DOP1A: variants seen among roughly 807,000 people sequenced by gnomAD.
DOP1A encodes protein DOP1A.
In DOP1A, 90 loss-of-function variants were observed where a neutral mutation model predicts 267.6. The observed-to-expected ratio is 0.34, with a 90% confidence interval of 0.28 to 0.40. The LOEUF (loss-of-function observed/expected upper bound fraction) is 0.40. Among genes scored for constraint, DOP1A ranks in the 10% least tolerant of loss-of-function variants. The pLI, the probability that DOP1A is intolerant of heterozygous loss-of-function variation, is 1.00. For missense variants in DOP1A, 2,437 were observed against 2,900.4 expected, an observed-to-expected ratio of 0.84 and a Z score of 3.67; for synonymous variants, 932 against 999.1, an observed-to-expected ratio of 0.93 and a Z score of 1.27.
chr6:83,123,041 T>C (rs1776599874), intron 12 of DOP1A, 59 bp downstream of exon 12: 3 of 1,523,940 alleles, frequency 2.0e-6, no homozygotes, highest in Non-Finnish European at 1.8e-6. Context: ...CTTTGGGTTT[T>C]TTTTAAGTTG....
intron 17 of DOP1A, 32 bp from the exon 18 acceptor site, chr6:83,132,144 T>C (rs1406635199): frequency 6.3e-7 from 1 of 1,593,994 alleles, no homozygotes; most frequent in Non-Finnish European, 8.6e-7. Flanking sequence ...ATGTATGGTA[T>C]TGTGACTGTC....
intron 15 of DOP1A, among the ~76,000 whole-genome samples, chr6:83,127,126 G>T (rs1397524464): frequency 6.6e-6 from 1 of 152,140 alleles, no homozygotes; most frequent in Non-Finnish European, 1.5e-5. Context: ...TTCACATAGT[G>T]ATGTTACCTA....
chr6:83,071,525 G>T (rs1165374083), intron 1 of DOP1A, among the ~76,000 whole-genome samples: 1 of 152,042 alleles, frequency 6.6e-6, no homozygotes, highest in Non-Finnish European at 1.5e-5. Flanking sequence ...ATTTAATTCA[G>T]TGTCACTTAG....
chr6:83,100,767 A>C lies in DOP1A; in HGVS notation c.201A>C (p.Leu67=). ...AAAAGCTGACCATAGGCAAACGCCT[A>C]GCTCAATGTCTACATCCAGCATTAC... ...VPKKLTIGKR[L]AQCLHPALPG... The change falls in exon 4 of 39, where the codon CTA becomes CTC. Residue 67 remains leucine, a synonymous_variant. Transcript: ENST00000349129. 1 of 1,590,918 alleles carries C rather than the reference A, an allele frequency of 6.3e-7. No individual in the cohort carries two copies. Among genetic ancestry groups the C allele is most frequent in the South Asian group, 1.2e-5 (1 of 86,546 alleles).
At chr6:83,166,533 A>C in intron 38 of DOP1A, 4 of 676,014 alleles carry the variant, frequency 5.9e-6, no homozygotes, top group Non-Finnish European at 1.1e-5. Context: ...GTCTAAAATA[A>C]ATATAAACAG....
intron 7 of DOP1A, among the ~76,000 whole-genome samples, chr6:83,117,248 T>C (rs533417632): frequency 6.6e-6 from 1 of 152,012 alleles, no homozygotes; most frequent in Admixed American, 6.6e-5. Flanking sequence ...CCTCCAGGGT[T>C]CGAGTGATTC....
Position 83,167,940 on chromosome 6 carries a change from C to A in DOP1A, c.7171C>A (p.Arg2391Ser), listed in dbSNP as rs1024056692. 6.2e-7 allele frequency: 1 copy of A among 1,613,994 alleles called. No homozygotes were observed. Among genetic ancestry groups the A allele is most frequent in the Non-Finnish European group, 8.5e-7 (1 of 1,180,026 alleles). The change falls in exon 39 of 39, where the codon CGC (arginine) becomes AGC (serine). Residue 2391 changes from arginine (R) to serine (S), a missense_variant. Around this residue, in one of 9 missense-constraint regions of DOP1A, gnomAD observed 197 missense variants for 246.5 expected, o/e 0.80. Coordinates refer to ENST00000349129, the MANE Select transcript of DOP1A (RefSeq NM_015018.4). The part of the protein sequence containing the change: ...GHLLLTICTV[R>S]SMEQLLPFFN... ...CTTGCTGCTCACCATCTGCACCGTG[C>A]GCAGTATGGAGCAGCTCCTGCCGTT... is the stretch of plus-strand genomic sequence containing the variant.
rs1779002023 is a variant in DOP1A, at chr6:83,137,240, G to A, written c.3198G>A (p.Glu1066=). Residue 1066 remains glutamate (E), a synonymous_variant, in exon 21 of 39, where the codon GAG becomes GAA. Coordinates refer to ENST00000349129, the MANE Select transcript of DOP1A (RefSeq NM_015018.4). ...GEKPLTMDEI[E]NFSLTVNPLS... is the part of the protein sequence containing the mutation. ...AGCCACTTACCATGGATGAAATAGA[G>A]AACTTTAGTCTCACTGTGAATCCAT... 6.2e-7 allele frequency: 1 copy of A among 1,607,872 alleles called. No homozygotes were observed. Among genetic ancestry groups the A allele is most frequent in the Non-Finnish European group, 8.5e-7 (1 of 1,176,142 alleles).
chr6:83,113,386 C>G lies in DOP1A; in HGVS notation c.745C>G (p.Leu249Val). The G allele has an allele frequency of 6.2e-7, 1 of 1,613,668 alleles. No individual in the cohort carries two copies. The highest frequency in any genetic ancestry group is 8.5e-7 in the Non-Finnish European group (1 of 1,179,812). Residue 249 changes from leucine to valine, a missense_variant, in exon 7 of 39, where the codon CTC (leucine) becomes GTC (valine). By Grantham distance (32) the Leu-to-Val change is conservative (BLOSUM62 1). Coordinates refer to ENST00000349129, the MANE Select transcript of DOP1A (RefSeq NM_015018.4). ...ACTTGTACAGAGAAGCACACTGGAC[C>G]TCATACTCTTCTGTTTTCCATTCCA... ...SVLVQRSTLD[L>V]ILFCFPFHMS... is the part of the protein sequence containing the mutation.
At position 83,147,263 on chromosome 6, in the gene DOP1A, C is replaced by G; in HGVS notation, c.5704C>G (p.Leu1902Val). The change falls in exon 26 of 39, where the codon CTT becomes GTT. Residue 1902 changes from leucine to valine, a missense_variant. Around this residue, in one of 9 missense-constraint regions of DOP1A, gnomAD observed 216 missense variants for 283.3 expected, o/e 0.76. Coordinates refer to ENST00000349129, the MANE Select transcript of DOP1A (RefSeq NM_015018.4). ...ACATCTTTCTTTGGAAGTCTGCATG[C>G]TTCAGTTTTTCTATGCTTATATTCA... ...KKHLSLEVCM[L>V]QFFYAYIQRI... 1 of 1,499,920 alleles carries G rather than the reference C, an allele frequency of 6.7e-7. No individual in the cohort carries two copies. The highest frequency in any genetic ancestry group is 9.1e-7 in the Non-Finnish European group (1 of 1,095,658). 92.9% of individuals were successfully genotyped at this position (1,499,920 alleles called of 1,614,324 possible). A position where few individuals can be genotyped will look rare whatever the true frequency, so the allele number is the denominator to read the frequency against.
chr6:83,144,431 T>G (rs1325809951), intron 24 of DOP1A, among the ~76,000 whole-genome samples: 2 of 152,116 alleles, frequency 1.3e-5, no homozygotes, highest in Non-Finnish European at 2.9e-5. Flanking sequence ...TAATTAGAGA[T>G]TTACAGTTGA....
intron 37 of DOP1A, 146 bp from the exon 38 acceptor site, chr6:83,162,644 C>T: frequency 1.2e-6 from 1 of 813,714 alleles, no homozygotes; most frequent in Non-Finnish European, 1.8e-6. Context: ...GAAACATACC[C>T]AAAGTGACAA....
At position 83,125,589 on chromosome 6, in the gene DOP1A, C is replaced by T; in HGVS notation, c.1575C>T (p.His525=). The change falls in exon 15 of 39, where the codon CAC becomes CAT. Residue 525 remains histidine, a synonymous_variant. Transcript: ENST00000349129. ...SALTSHLQTL[H]LSELTDSLRL... ...TGACAAGCCATCTCCAGACATTGCA[C>T]TTATCTGAACTCACAGATTCTCTCA... 1 of 1,613,882 alleles carries T rather than the reference C, an allele frequency of 6.2e-7. No individual in the cohort carries two copies. Among genetic ancestry groups the T allele is most frequent in the East Asian group, 2.2e-5 (1 of 44,876 alleles).
In DOP1A at chr6:83,108,815, T is replaced by C. The variant is rs1036653148; in HGVS notation, c.321-95T>C. The C allele has an allele frequency of 4.3e-5, 53 of 1,228,730 alleles. 1 individual carries two copies. In the African/African-American group the frequency reaches 5.9e-4, roughly 14 times the overall value. 76.1% of individuals were successfully genotyped at this position (1,228,730 alleles called of 1,614,324 possible). ...TTTTAAGCCAATCAGTATAACTTTT[T>C]CATCAGAAAGAAATATTTATACATA... On this transcript the variant is annotated intron_variant, in intron 4 of 38. Coordinates refer to ENST00000349129, the MANE Select transcript of DOP1A (RefSeq NM_015018.4).
chr6:83,170,285 A>G, downstream of DOP1A: 6 of 1,611,574 alleles, frequency 3.7e-6, no homozygotes, highest in African/African-American at 1.3e-5. Context: ...CTCTTTTTCA[A>G]TAGAACTATC....
chr6:83,168,059 T>C lies in DOP1A; in HGVS notation c.7290T>C (p.Pro2430=), dbSNP rs964304997. The C allele has an allele frequency of 4.6e-5, 74 of 1,614,014 alleles. No individual in the cohort carries two copies. Among genetic ancestry groups the C allele is most frequent in the Non-Finnish European group, 6.0e-5 (71 of 1,180,046 alleles). Residue 2430 remains proline (P), a synonymous_variant, in exon 39 of 39, where the codon CCT becomes CCC. Coordinates refer to ENST00000349129, the MANE Select transcript of DOP1A (RefSeq NM_015018.4). The stretch of plus-strand genomic sequence containing the variant: ...CTATCCTCTACTCAAATGCCTTCCC[T>C]AATAAGGACATGAAACTGGAGAACC... ...GSPILYSNAF[P]NKDMKLENHK... is the part of the protein sequence containing the mutation.
In DOP1A at chr6:83,167,867, T is replaced by C; in HGVS notation, c.7098T>C (p.Asn2366=). 1 of 1,603,098 alleles carries C rather than the reference T, an allele frequency of 6.2e-7. No individual in the cohort carries two copies. The highest frequency in any genetic ancestry group is 8.5e-7 in the Non-Finnish European group (1 of 1,173,696). The change falls in exon 39 of 39, where the codon AAT becomes AAC. Residue 2366 remains asparagine (N), a synonymous_variant. Transcript: ENST00000349129. The part of the protein sequence containing the change: ...AKLLRKRAKK[N]PEEDNSGRTL... ...TCACTTTTTGTTTTCTGCAGAAAAA[T>C]CCAGAGGAAGACAACTCAGGGAGAA... is the stretch of plus-strand genomic sequence containing the variant.
At chr6:83,131,876 ATCT>A (rs1297005360) in intron 17 of DOP1A, among the ~76,000 whole-genome samples, 1 of 152,120 alleles carries the variant, frequency 6.6e-6, no homozygotes, top group Non-Finnish European at 1.5e-5. Flanking sequence ...ACCTCAGGTG[ATCT>A]GCCTGCCTCG....
At chr6:83,126,647 G>T (rs1229838012) in intron 15 of DOP1A, among the ~76,000 whole-genome samples, 1 of 152,130 alleles carries the variant, frequency 6.6e-6, no homozygotes, top group Admixed American at 6.5e-5. Context: ...GCTAAAGAAC[G>T]CTTTCTTGAG....
Sources: gnomAD v4.1 joint callset for allele counts (sites outside exome capture counted in the v4.1 genomes callset) on GRCh38, gnomAD v4.1.1 for gene constraint, gnomAD v4.1.1 regional missense constraint, MANE v1.5 for transcripts, NCBI Gene and HGNC (gene_info 2026-07-23, HGNC 2026-07-21) for gene names.